Variants in PLCB1 observed in about 807,000 individuals in gnomAD.
PLCB1 encodes the protein phospholipase C beta 1.
A neutral mutation model predicts 161.8 loss-of-function variants in PLCB1; 46 were observed. The ratio of observed to expected loss-of-function variants is 0.28; its 90% CI spans 0.22 to 0.36. PLCB1 has a LOEUF of 0.36. PLCB1 is among the 10% of genes least tolerant of loss of function. PLCB1 has a pLI of 1.00. For missense variants in PLCB1, 1,016 were observed against 1,472.5 expected, an observed-to-expected ratio of 0.69 and a Z score of 5.07; for synonymous variants, 517 against 503.7, an observed-to-expected ratio of 1.03 and a Z score of -0.35.
intron 2 of PLCB1, among the ~76,000 whole-genome samples, chr20:8,329,375 A>C (rs1600319179): frequency 6.8e-6 from 1 of 147,516 alleles, no homozygotes; most frequent in Non-Finnish European, 1.5e-5. Flanking sequence ...TCTGGAGTGC[A>C]CTCCTAGCCT....
intron 12 of PLCB1, among the ~76,000 whole-genome samples, chr20:8,711,027 G>T (rs1410341815): frequency 6.6e-6 from 1 of 152,086 alleles, no homozygotes; most frequent in African/African-American, 2.4e-5. Flanking sequence ...GCTCATGTAA[G>T]CCTTACCACA....
Position 8,444,995 on chromosome 20 carries a change from TTGTC to T in PLCB1, c.246+73549_246+73552del, listed in dbSNP as rs1199130446. Among the ~76,000 whole-genome samples the T allele has an allele frequency of 2.6e-5, 4 of 152,282 alleles. No individual in the cohort carries two copies. In the East Asian group the frequency reaches 7.7e-4, roughly 29 times the overall value. ...CAAAAATTTTCTCCCATTCTGTAGG[TTGTC>T]TGTTCACTCTGATGATAGTTTCTGT... On this transcript the variant is annotated intron_variant, in intron 3 of 31. Coordinates refer to ENST00000338037, the MANE Select transcript of PLCB1 (RefSeq NM_015192.4).
intron 1 of PLCB1, among the ~76,000 whole-genome samples, chr20:8,147,407 C>T (rs1302014311): frequency 2.0e-5 from 3 of 152,178 alleles, no homozygotes; most frequent in Admixed American, 2.0e-4. Context: ...TCCCAAGAGT[C>T]GCAACCCATC....
At chr20:8,795,724 A>T (rs546531295) in intron 31 of PLCB1, among the ~76,000 whole-genome samples, 1 of 152,216 alleles carries the variant, frequency 6.6e-6, no homozygotes, top group South Asian at 2.1e-4. Flanking sequence ...AAAATACAAA[A>T]ATTAGCCAGG....
intron 3 of PLCB1, among the ~76,000 whole-genome samples, chr20:8,584,794 G>C (rs569463512): frequency 1.3e-5 from 2 of 151,940 alleles, no homozygotes; most frequent in Non-Finnish European, 1.5e-5. Flanking sequence ...AGGTTTAAGC[G>C]ATTCTCCTGC....
Position 8,748,729 on chromosome 20 carries a change from T to TA in PLCB1, c.2523+7163dup, listed in dbSNP as rs55905244. On this transcript the variant is annotated intron_variant, in intron 23 of 31. Coordinates refer to ENST00000338037, the MANE Select transcript of PLCB1 (RefSeq NM_015192.4). ...GCAGGAAATGTGTAGGATGAACAAG[T>TA]AAAAAAATCTAATGTACAGCGTGAG... Among the ~76,000 whole-genome samples the TA allele has an allele frequency of 2.1e-3, 318 of 152,182 alleles. 3 individuals carry two copies. The highest frequency in any genetic ancestry group is 7.2e-3 in the African/African-American group (300 of 41,520).
chr20:8,453,205 T>C (rs938874407), intron 3 of PLCB1, among the ~76,000 whole-genome samples: 1 of 152,242 alleles, frequency 6.6e-6, no homozygotes, highest in Non-Finnish European at 1.5e-5. Context: ...GCCATGAGTC[T>C]CAGAGTTCTC....
chr20:8,619,092 G>A (rs1005448037), intron 3 of PLCB1, among the ~76,000 whole-genome samples: 1 of 152,144 alleles, frequency 6.6e-6, no homozygotes, highest in Non-Finnish European at 1.5e-5. Flanking sequence ...GTAGTGAACT[G>A]GTGGGAAATT....
At chr20:8,303,171 C>T (rs1484740455) in intron 2 of PLCB1, among the ~76,000 whole-genome samples, 1 of 152,196 alleles carries the variant, frequency 6.6e-6, no homozygotes, top group East Asian at 1.9e-4. Flanking sequence ...CTTCTCAGAA[C>T]ATAAGAAGAG....
At chr20:8,681,086 GTATATATATATATA>G (rs202198416) in intron 9 of PLCB1, among the ~76,000 whole-genome samples, 4 of 73,846 alleles carry the variant, frequency 5.4e-5, no homozygotes, top group Admixed American at 1.6e-4. Flanking sequence ...ATGTGTGTGT[GTATATATATATATA>G]TATATATATA....
At chr20:8,729,824 G>A (rs1301395502) in intron 18 of PLCB1, 1 of 151,818 alleles carries the variant, frequency 6.6e-6, no homozygotes, top group African/African-American at 2.4e-5. Context: ...TTGCCAAATT[G>A]TCTGTAAAAA....
At chr20:8,676,436 G>GAAAGAAAGAAAGAAAGAAAGAAAGAA (rs1568556522) in intron 9 of PLCB1, among the ~76,000 whole-genome samples, 126 of 147,250 alleles carry the variant, frequency 8.6e-4, no homozygotes, top group African/African-American at 2.8e-3. Flanking sequence ...GAAAGAAAGA[G>GAAAGAAAGAAAGAAAGAAAGAAAGAA]AGAAAGAGTA....
In PLCB1 at chr20:8,482,307, T is replaced by C. The variant is rs552876720; in HGVS notation, c.246+110857T>C. On this transcript the variant is annotated intron_variant, in intron 3 of 31. Transcript: ENST00000338037. ...TTAGTAGAGACGGGGTTTCACCACG[T>C]TGGGCAGGATGGTCTAGATCTCTTG... 9.2e-5 allele frequency among the ~76,000 whole-genome samples: 14 copies of C among 152,196 alleles called. No individual in the cohort carries two copies. In the South Asian group the frequency reaches 2.9e-3, roughly 32 times the overall value.
intron 3 of PLCB1, among the ~76,000 whole-genome samples, chr20:8,590,689 G>T (rs1329988664): frequency 6.6e-6 from 1 of 152,064 alleles, no homozygotes; most frequent in Non-Finnish European, 1.5e-5. Context: ...CAACTTCAAA[G>T]GCAGCAAGAT....
chr20:8,744,128 A>G (rs1981023941), intron 23 of PLCB1, among the ~76,000 whole-genome samples: 1 of 152,102 alleles, frequency 6.6e-6, no homozygotes, highest in Admixed American at 6.5e-5. Flanking sequence ...ACACACCTAT[A>G]TGACAAACCC....
chr20:8,737,193 G>C lies in PLCB1; in HGVS notation c.2208+1G>C. On this transcript the variant is annotated splice_donor_variant, in intron 20 of 31. Coordinates refer to ENST00000338037, the MANE Select transcript of PLCB1 (RefSeq NM_015192.4). LOFTEE classifies it high-confidence loss of function. ...AGAAGAACCTATTGTGTTCAAAAAGGTTGGTCACATGTTCTTGATATGAGT... is the reference window on the plus strand; with the variant it reads ...AGAAGAACCTATTGTGTTCAAAAAGCTTGGTCACATGTTCTTGATATGAGT... 6.2e-7 allele frequency: 1 copy of C among 1,612,806 alleles called. No homozygotes were observed. Among genetic ancestry groups the C allele is most frequent in the Non-Finnish European group, 8.5e-7 (1 of 1,179,210 alleles).
chr20:8,162,809 T>C (rs189821950), intron 2 of PLCB1, among the ~76,000 whole-genome samples: 1 of 152,336 alleles, frequency 6.6e-6, no homozygotes, highest in East Asian at 1.9e-4. Context: ...CTGGTATACA[T>C]AATGGATTCT....
At chr20:8,431,761 A>C (rs2122580014) in intron 3 of PLCB1, among the ~76,000 whole-genome samples, 1 of 152,310 alleles carries the variant, frequency 6.6e-6, no homozygotes, top group Admixed American at 6.5e-5. Context: ...CTGGGGTCTG[A>C]GTTTTTATGT....
chr20:8,276,203 A>T (rs192074157), intron 2 of PLCB1, among the ~76,000 whole-genome samples: 8 of 152,362 alleles, frequency 5.3e-5, no homozygotes, highest in African/African-American at 1.9e-4. Context: ...TTCTGCAGGA[A>T]TTCCCACTGA....
Sources: allele counts gnomAD v4.1 joint callset (sites outside exome capture counted in the v4.1 genomes callset), GRCh38; gene constraint gnomAD v4.1.1; transcripts MANE v1.5; gene names NCBI Gene and HGNC (gene_info 2026-07-23, HGNC 2026-07-21).